The following ASXL2 variants were observed in gnomAD, a reference collection of about 807,000 sequenced individuals.
The protein encoded by ASXL2 is ASXL transcriptional regulator 2, also known as putative Polycomb group protein ASXL2.
A neutral mutation model predicts 122.0 loss-of-function variants in ASXL2; 23 were observed. The observed-to-expected ratio is 0.19, with a 90% CI of 0.14 to 0.27. The LOEUF (loss-of-function observed/expected upper bound fraction) is 0.27, where lower values mean the gene tolerates loss of function less well. ASXL2 is among the 10% of genes least tolerant of loss of function. The pLI, the probability that ASXL2 is intolerant of heterozygous loss-of-function variation, is 1.00. For synonymous variants in ASXL2, 650 were observed against 637.0 expected, an observed-to-expected ratio of 1.02 and a Z score of -0.31; for missense variants, 1,518 against 1,713.8, an observed-to-expected ratio of 0.89 and a Z score of 2.02.
intron 10 of ASXL2, among the ~76,000 whole-genome samples, chr2:25,755,233 AAAC>A (rs1467398451): frequency 6.6e-6 from 1 of 152,280 alleles, no homozygotes; most frequent in Non-Finnish European, 1.5e-5. Flanking sequence ...TGAAACAAAC[AAAC>A]AAAACCAATA....
intron 3 of ASXL2, among the ~76,000 whole-genome samples, chr2:25,835,037 T>C (rs745912685): frequency 3.9e-5 from 6 of 152,124 alleles, no homozygotes; most frequent in Non-Finnish European, 8.8e-5. Flanking sequence ...TTGGTCAGGC[T>C]AGTCTCGAAC....
chr2:25,856,387 CA>C, intron 1 of ASXL2: 2 of 98,250 alleles, frequency 2.0e-5, no homozygotes, highest in Non-Finnish European at 2.3e-5. Flanking sequence ...TTTTTTTTGA[CA>C]CCAGTGTTTA....
Position 25,737,081 on chromosome 2 carries a change from A to G in ASXL2, c.*4948T>C, listed in dbSNP as rs976319679. ...AGAGGAGTTCAAAATTCAAGTGTCAAATGCTGAAATAGAACCTAATCAAGG... is the reference window on the plus strand; with the variant it reads ...AGAGGAGTTCAAAATTCAAGTGTCAGATGCTGAAATAGAACCTAATCAAGG... On this transcript the variant is annotated 3_prime_UTR_variant, in exon 13 of 13. Coordinates refer to ENST00000435504, the MANE Select transcript of ASXL2 (RefSeq NM_018263.6). 13 of 152,150 alleles carry G rather than the reference A, an allele frequency of 8.5e-5. No homozygotes were observed. Among genetic ancestry groups the G allele is most frequent in the African/African-American group, 2.9e-4 (12 of 41,430 alleles). The allele number at this position is 152,150 out of a possible 1,614,324, so 9.4% of individuals were successfully genotyped here. A position where few individuals can be genotyped will look rare whatever the true frequency, so the allele number is the denominator to read the frequency against.
At chr2:25,815,224 T>C (rs1416022830) in intron 3 of ASXL2, among the ~76,000 whole-genome samples, 1 of 152,180 alleles carries the variant, frequency 6.6e-6, no homozygotes, top group Non-Finnish European at 1.5e-5. Flanking sequence ...GTTCTTAGTA[T>C]AAAGTACAAA....
At chr2:25,813,841 G>T (rs370280243) in intron 3 of ASXL2, among the ~76,000 whole-genome samples, 1 of 152,178 alleles carries the variant, frequency 6.6e-6, no homozygotes, top group South Asian at 2.1e-4. Context: ...ATGAGGTCAG[G>T]AGATCGAGAC....
At chr2:25,783,783 C>A (rs1055039340) in intron 5 of ASXL2, among the ~76,000 whole-genome samples, 1 of 151,582 alleles carries the variant, frequency 6.6e-6, no homozygotes, top group African/African-American at 2.4e-5. Flanking sequence ...TGGCCGGGTG[C>A]GGTGGCTCAC....
At chr2:25,842,923 G>A (rs968277620) in intron 2 of ASXL2, among the ~76,000 whole-genome samples, 8 of 151,344 alleles carry the variant, frequency 5.3e-5, no homozygotes, top group East Asian at 3.9e-4. Flanking sequence ...CCAGGTTCCA[G>A]CTATTCTCCT....
At chr2:25,781,977 T>C in intron 5 of ASXL2, among the ~76,000 whole-genome samples, 1 of 139,004 alleles carries the variant, frequency 7.2e-6, no homozygotes, top group South Asian at 2.4e-4. Context: ...TTTTTTTTTT[T>C]TTTTTTTTGT....
rs535881568 is a variant in ASXL2 at position 25,876,328 on chromosome 2, A to T, written c.57+1838T>A. 5.3e-5 allele frequency among the ~76,000 whole-genome samples: 8 copies of T among 152,308 alleles called. No homozygotes were observed. In the South Asian group the frequency reaches 1.7e-3, roughly 32 times the overall value. On this transcript the variant is annotated intron_variant, in intron 1 of 12. Transcript: ENST00000435504. Reference sequence around the variant, plus strand: ...AAGTAGATGCAGACTAATTTTTCCTATTTGTCGCAATCTCCCAATGACTAT... The same window carrying T: ...AAGTAGATGCAGACTAATTTTTCCTTTTTGTCGCAATCTCCCAATGACTAT...
At position 25,736,894 on chromosome 2, in the gene ASXL2, G is replaced by A. The variant is rs1559495314; in HGVS notation, c.*5135C>T. 1 of 152,144 alleles carries A rather than the reference G, an allele frequency of 6.6e-6. No individual in the cohort carries two copies. Among genetic ancestry groups the A allele is most frequent in the Non-Finnish European group, 1.5e-5 (1 of 68,020 alleles). The allele number at this position is 152,144 out of a possible 1,614,324, so 9.4% of individuals were successfully genotyped here. ...ATATACTTTTCTTTATAAAGACGAT[G>A]TAGGCACCATTTTGCTCCTATCATA... On this transcript the variant is annotated 3_prime_UTR_variant, in exon 13 of 13. Transcript: ENST00000435504.
chr2:25,855,987 G>A (rs1161111333), intron 1 of ASXL2, among the ~76,000 whole-genome samples: 7 of 151,474 alleles, frequency 4.6e-5, no homozygotes, highest in Non-Finnish European at 7.4e-5. Flanking sequence ...TCCGTCTCCC[G>A]GGTTCAAGCA....
intron 1 of ASXL2, among the ~76,000 whole-genome samples, chr2:25,877,368 A>C (rs1474616407): frequency 6.6e-6 from 1 of 152,110 alleles, no homozygotes. Flanking sequence ...AATCCTCAAT[A>C]TTCCACTTTT....
intron 6 of ASXL2, among the ~76,000 whole-genome samples, chr2:25,769,228 A>G (rs1318315173): frequency 1.3e-5 from 2 of 152,230 alleles, no homozygotes. Flanking sequence ...CAGTCTTGTA[A>G]AGCAGAGACA....
chr2:25,826,379 G>A (rs1158436954), intron 3 of ASXL2, among the ~76,000 whole-genome samples: 1 of 152,086 alleles, frequency 6.6e-6, no homozygotes, highest in Non-Finnish European at 1.5e-5. Context: ...GGCATTCCAT[G>A]CTGCACCCAA....
At chr2:25,775,670 TTCCTGAGGCC>T (rs968244702) in intron 5 of ASXL2, among the ~76,000 whole-genome samples, 2 of 152,166 alleles carry the variant, frequency 1.3e-5, no homozygotes, top group African/African-American at 4.8e-5. Flanking sequence ...TGATTGTTGT[TTCCTGAGGCC>T]TCCCCAGCCA....
At chr2:25,780,241 G>A (rs1012479167) in intron 5 of ASXL2, 1 of 149,962 alleles carries the variant, frequency 6.7e-6, no homozygotes, top group Admixed American at 6.6e-5. Flanking sequence ...TTTAAGACAA[G>A]GTCTTACTCT....
intron 3 of ASXL2, among the ~76,000 whole-genome samples, chr2:25,825,738 T>G (rs2089367480): frequency 6.6e-6 from 1 of 152,232 alleles, no homozygotes; most frequent in African/African-American, 2.4e-5. Context: ...TGAATCACGC[T>G]GCTATGAACA....
intron 1 of ASXL2, among the ~76,000 whole-genome samples, chr2:25,854,547 A>G (rs1056252469): frequency 6.6e-6 from 1 of 152,244 alleles, no homozygotes; most frequent in Non-Finnish European, 1.5e-5. Flanking sequence ...CCTCAAAAAG[A>G]AGAGCCAACC....
chr2:25,866,603 T>C (rs1447370590), intron 1 of ASXL2, among the ~76,000 whole-genome samples: 7 of 152,210 alleles, frequency 4.6e-5, no homozygotes, highest in Non-Finnish European at 8.8e-5. Flanking sequence ...GACTGGGAAA[T>C]GGTTGCCCCT....
Sources: gnomAD v4.1 joint callset for allele counts (sites outside exome capture counted in the v4.1 genomes callset) on GRCh38, gnomAD v4.1.1 for gene constraint, MANE v1.5 for transcripts, NCBI Gene and HGNC (gene_info 2026-07-23, HGNC 2026-07-21) for gene names.